The following RBKS variants were observed in gnomAD, a reference collection of about 807,000 sequenced individuals.
RBKS encodes ribokinase.
RBKS carries 33 observed loss-of-function variants against 33.9 expected under a neutral mutation model. That is an observed-to-expected ratio of 0.97 (90% CI 0.74 to 1.30). The LOEUF is 1.30. RBKS is among the 50% of genes most tolerant of loss of function. The probability of loss-of-function intolerance (pLI) is 0.00; values close to 1 mark genes in which losing one functional copy is unlikely to be tolerated. For missense variants in RBKS, 361 were observed against 392.6 expected, an observed-to-expected ratio of 0.92 and a Z score of 0.68; for synonymous variants, 125 against 143.0, an observed-to-expected ratio of 0.87 and a Z score of 0.90.
At chr2:27,784,763 T>G (rs1677367785) in intron 7 of RBKS, among the ~76,000 whole-genome samples, 1 of 152,128 alleles carries the variant, frequency 6.6e-6, no homozygotes, top group South Asian at 2.1e-4. Flanking sequence ...AGTAATGCGG[T>G]GTGAATGCAA....
In RBKS at chr2:27,876,695, C is replaced by A. The variant is rs185896774; in HGVS notation, c.89+13562G>T. 9.2e-5 allele frequency among the ~76,000 whole-genome samples: 14 copies of A among 152,084 alleles called. No homozygotes were observed. The East Asian group carries it at 2.5e-3, about 27-fold the overall frequency. ...ATAGGGAGTTATTGTTTAATAAGAA[C>A]ATCATTTCCATTTAGGAAGATGAAA... On this transcript the variant is annotated intron_variant, in intron 1 of 7. Coordinates refer to ENST00000302188, the MANE Select transcript of RBKS (RefSeq NM_022128.3).
At chr2:27,843,493 A>G (rs4233718) in intron 4 of RBKS, among the ~76,000 whole-genome samples, 40,162 of 152,088 alleles carry the variant, frequency 0.26, 6,251 homozygotes, top group East Asian at 0.63. Flanking sequence ...TATATAAAGA[A>G]TATTAGTTGA....
intron 1 of RBKS, chr2:27,861,670 G>GGGGT: frequency 1.4e-5 from 6 of 427,828 alleles, no homozygotes; most frequent in Admixed American, 5.1e-5. Context: ...TTTTGGGGGG[G>GGGGT]GGGTGGAGTC....
At chr2:27,790,067 G>A (rs1429837835) in intron 7 of RBKS, among the ~76,000 whole-genome samples, 1 of 149,704 alleles carries the variant, frequency 6.7e-6, no homozygotes, top group Non-Finnish European at 1.5e-5. Flanking sequence ...TAGGCTCAAG[G>A]GATCTACCTG....
chr2:27,867,888 A>G (rs1397782756), intron 1 of RBKS, among the ~76,000 whole-genome samples: 1 of 152,242 alleles, frequency 6.6e-6, no homozygotes, highest in Non-Finnish European at 1.5e-5. Context: ...GCTGAAAAAC[A>G]GAGCAGAAAG....
chr2:27,868,241 T>C (rs1664137227), intron 1 of RBKS, among the ~76,000 whole-genome samples: 1 of 152,338 alleles, frequency 6.6e-6, no homozygotes, highest in East Asian at 1.9e-4. Flanking sequence ...AATTATTAAA[T>C]TTTAATTTAT....
chr2:27,850,446 C>T (rs1663721666), intron 2 of RBKS, among the ~76,000 whole-genome samples: 1 of 152,160 alleles, frequency 6.6e-6, no homozygotes, highest in South Asian at 2.1e-4. Flanking sequence ...ACAATAGTTT[C>T]ACTACCCTAA....
chr2:27,868,044 C>T (rs1028079543), intron 1 of RBKS, among the ~76,000 whole-genome samples: 66 of 152,038 alleles, frequency 4.3e-4, no homozygotes, highest in African/African-American at 1.5e-3. Context: ...TCTATTTTGC[C>T]AATTAATTAT....
At chr2:27,849,906 A>T (rs936517237) in intron 2 of RBKS, among the ~76,000 whole-genome samples, 1 of 152,158 alleles carries the variant, frequency 6.6e-6, no homozygotes, top group Non-Finnish European at 1.5e-5. Flanking sequence ...TTTGATACTA[A>T]TGCTGGCATC....
At chr2:27,825,431 A>C (rs543344395) in intron 7 of RBKS, among the ~76,000 whole-genome samples, 270 of 152,352 alleles carry the variant, frequency 1.8e-3, no homozygotes, top group African/African-American at 6.3e-3. Flanking sequence ...GCTTTACTTA[A>C]ACATTTTCCT....
intron 4 of RBKS, among the ~76,000 whole-genome samples, chr2:27,844,759 G>T (rs1286720184): frequency 6.6e-6 from 1 of 152,044 alleles, no homozygotes; most frequent in Non-Finnish European, 1.5e-5. Context: ...TTAAATATAT[G>T]GCCTAAGTTA....
At chr2:27,879,406 T>G (rs1023299275) in intron 1 of RBKS, among the ~76,000 whole-genome samples, 2 of 152,156 alleles carry the variant, frequency 1.3e-5, no homozygotes, top group African/African-American at 4.8e-5. Context: ...TCATGAGAGC[T>G]CTGTTCTCAT....
At chr2:27,843,269 A>C (rs762456902) in intron 4 of RBKS, 38 bp from the exon 5 acceptor site, 1 of 1,477,686 alleles carries the variant, frequency 6.8e-7, no homozygotes, top group Non-Finnish European at 9.3e-7. Flanking sequence ...AAAACTAAAC[A>C]AAGCCAAGCA....
chr2:27,803,539 A>G (rs539756509), intron 7 of RBKS, among the ~76,000 whole-genome samples: 3 of 151,690 alleles, frequency 2.0e-5, no homozygotes, highest in Non-Finnish European at 2.9e-5. Context: ...AAAATACAAA[A>G]ATTAGCTGGG....
rs552650361 is a variant in RBKS at position 27,837,369 on chromosome 2, G to A, written c.515-4592C>T. Among the ~76,000 whole-genome samples, 12 of 152,322 alleles carry A rather than the reference G, an allele frequency of 7.9e-5. No individual in the cohort carries two copies. In the South Asian group the frequency reaches 1.2e-3, roughly 16 times the overall value. ...AGAGAGAAGGAAACACTTATACACTGTTGGCAGGAATGTAACTTAGTTCAG... is the reference window on the plus strand; with the variant it reads ...AGAGAGAAGGAAACACTTATACACTATTGGCAGGAATGTAACTTAGTTCAG... On this transcript the variant is annotated intron_variant, in intron 5 of 7. Coordinates refer to ENST00000302188, the MANE Select transcript of RBKS (RefSeq NM_022128.3). The surrounding 1 kb of genome is among the most constrained non-coding windows in gnomAD (Gnocchi z 4.0).
intron 3 of RBKS, among the ~76,000 whole-genome samples, chr2:27,847,584 C>T (rs1663645688): frequency 6.6e-6 from 1 of 152,178 alleles, no homozygotes; most frequent in African/African-American, 2.4e-5. Flanking sequence ...CAGCAAAGAG[C>T]CCTGAACTGG....
At chr2:27,797,399 G>A (rs72853249) in intron 7 of RBKS, among the ~76,000 whole-genome samples, 10,257 of 152,224 alleles carry the variant, frequency 0.067, 1,171 homozygotes, top group African/African-American at 0.23. Flanking sequence ...TTTATTTTAC[G>A]CTGAGGAAAC....
chr2:27,784,173 C>T (rs1264989705), intron 7 of RBKS, among the ~76,000 whole-genome samples: 4 of 150,612 alleles, frequency 2.7e-5, no homozygotes, highest in African/African-American at 7.3e-5. Context: ...TTAGTAGAGA[C>T]GGGGTTTCAC....
At chr2:27,878,378 G>A (rs1205105470) in intron 1 of RBKS, among the ~76,000 whole-genome samples, 1 of 150,476 alleles carries the variant, frequency 6.6e-6, no homozygotes, top group Non-Finnish European at 1.5e-5. Context: ...TTTTATGGCT[G>A]CATAGTATTC....
Sources: allele counts gnomAD v4.1 joint callset (sites outside exome capture counted in the v4.1 genomes callset), GRCh38; gene constraint gnomAD v4.1.1; non-coding constraint Gnocchi (gnomAD v3.1); transcripts MANE v1.5; gene names NCBI Gene and HGNC (gene_info 2026-07-23, HGNC 2026-07-21).